The following DYNC1H1 variants were observed in gnomAD, a reference collection of about 807,000 sequenced individuals.
DYNC1H1 encodes the protein dynein cytoplasmic 1 heavy chain 1.
A neutral mutation model predicts 527.1 loss-of-function variants in DYNC1H1; 51 were observed. The ratio of observed to expected loss-of-function variants is 0.10; its 90% CI spans 0.08 to 0.12. The LOEUF is 0.12. Among genes scored for constraint, DYNC1H1 ranks in the 10% least tolerant of loss-of-function variants. The pLI is 1.00. For synonymous variants in DYNC1H1, 2,189 were observed against 2,278.8 expected (o/e 0.96, Z 1.12); for missense variants, 2,771 against 5,971.8 (o/e 0.46, Z 17.66).
Position 101,986,660 on chromosome 14 carries a change from T to G in DYNC1H1, c.2435T>G (p.Val812Gly). 1 of 1,613,830 alleles carries G rather than the reference T, an allele frequency of 6.2e-7. No homozygotes were observed. Among genetic ancestry groups the G allele is most frequent in the Non-Finnish European group, 8.5e-7 (1 of 1,179,768 alleles). The part of the protein sequence containing the change: ...SLLVAGLKKE[V>G]QALIAEGIAL... ...TTGGTGGCTGGCTTGAAAAAGGAAGTGCAGGCCCTGATCGCAGAAGGCATT... is the reference window on the plus strand; with the variant it reads ...TTGGTGGCTGGCTTGAAAAAGGAAGGGCAGGCCCTGATCGCAGAAGGCATT... The change falls in exon 8 of 78, where the codon GTG (valine) becomes GGG (glycine). Residue 812 changes from valine (V) to glycine (G), a missense_variant. Physicochemically the swap from Val to Gly is moderately radical, Grantham distance 109 (BLOSUM62 -3). This residue lies in a region of DYNC1H1 where 24 missense variants were observed against 19.0 expected (regional missense o/e 1.26). Transcript: ENST00000360184. This position sits in a 1 kb window ranked among gnomAD's most constrained non-coding sequence, Gnocchi z 8.7.
Position 102,000,820 on chromosome 14 carries a change from C to T in DYNC1H1, c.4075-134C>T, listed in dbSNP as rs146171390. ...AACTCCCGACCTCAAGTGATCTGCT[C>T]GCCCGGCCTCCCAAAGTGCTGGGAT... On this transcript the variant is annotated intron_variant, in intron 18 of 77. Transcript: ENST00000360184. 162 of 782,056 alleles carry T rather than the reference C, an allele frequency of 2.1e-4. No homozygotes were observed. In the African/African-American group the frequency reaches 2.2e-3, roughly 11 times the overall value. 48.4% of individuals were successfully genotyped at this position (782,056 alleles called of 1,614,324 possible).
Position 102,040,589 on chromosome 14 carries a change from T to C in DYNC1H1, c.11866-9T>C, listed in dbSNP as rs1251850210. 6.2e-7 allele frequency: 1 copy of C among 1,614,222 alleles called. No homozygotes were observed. The stretch of plus-strand genomic sequence containing the variant: ...TGCTCCATGGGTGCTTCCACTATTG[T>C]CTCCACAGCAATTTGGCATCTGGCT... On this transcript the variant is annotated splice_polypyrimidine_tract_variant and intron_variant, in intron 63 of 77. Coordinates refer to ENST00000360184, the MANE Select transcript of DYNC1H1 (RefSeq NM_001376.5).
rs763349735 is a variant in DYNC1H1, at chr14:102,044,241, C to T, written c.12685-33C>T. On this transcript the variant is annotated intron_variant, in intron 70 of 77. Transcript: ENST00000360184. This position sits in a 1 kb window ranked among gnomAD's most constrained non-coding sequence, Gnocchi z 7.1. The stretch of plus-strand genomic sequence containing the variant: ...AAGCCCCGGGCCTGCCCGCCTCTGA[C>T]CACACACACGAACCCTGCTTTTCCT... 1.2e-6 allele frequency: 2 copies of T among 1,612,558 alleles called. No homozygotes were observed. The highest frequency in any genetic ancestry group is 2.7e-5 in the African/African-American group (2 of 74,928).
chr14:101,969,837 A>G (rs1284457070), intron 1 of DYNC1H1, among the ~76,000 whole-genome samples: 2 of 152,192 alleles, frequency 1.3e-5, no homozygotes, highest in South Asian at 2.1e-4. Flanking sequence ...AAAACTAAAC[A>G]TGGATGAAAA....
rs2048182445 is a variant in DYNC1H1, at chr14:102,005,127, C to T, written c.5324C>T (p.Ala1775Val). 6 of 1,614,026 alleles carry T rather than the reference C, an allele frequency of 3.7e-6. No homozygotes were observed. The South Asian group carries it at 6.6e-5, about 18-fold the overall frequency. ...AGCAGCATGGGCGGAGGTGGAGATGCCGCGCCCTTGCACTCTGTGCTGAGC... is the reference window on the plus strand; with the variant it reads ...AGCAGCATGGGCGGAGGTGGAGATGTCGCGCCCTTGCACTCTGTGCTGAGC... ...ALSSMGGGGDAAPLHSVLSNV... is the reference protein window; with the variant it reads ...ALSSMGGGGDVAPLHSVLSNV... The change falls in exon 26 of 78, where the codon GCC becomes GTC. Residue 1775 changes from alanine to valine, a missense_variant. Coordinates refer to ENST00000360184, the MANE Select transcript of DYNC1H1 (RefSeq NM_001376.5). This position sits in a 1 kb window ranked among gnomAD's most constrained non-coding sequence, Gnocchi z 4.0.
rs564169078 is a variant in DYNC1H1 at position 102,053,262 on chromosome 14, T to C, written c.*2699T>C. On this transcript the variant is annotated 3_prime_UTR_variant, in exon 78 of 78. Coordinates refer to ENST00000360184, the MANE Select transcript of DYNC1H1 (RefSeq NM_001376.5). ...TTCAAGCGATTCTCCTGCCTCAGCCTCCTGAGTAGCTGGGACTACAGGCGC... is the reference window on the plus strand; with the variant it reads ...TTCAAGCGATTCTCCTGCCTCAGCCCCCTGAGTAGCTGGGACTACAGGCGC... 1 of 150,096 alleles carries C rather than the reference T, an allele frequency of 6.7e-6. No individual in the cohort carries two copies. The highest frequency in any genetic ancestry group is 2.4e-5 in the African/African-American group (1 of 40,836). The allele number at this position is 150,096 out of a possible 1,614,324, so 9.3% of individuals were successfully genotyped here. A position where few individuals can be genotyped will look rare whatever the true frequency, so the allele number is the denominator to read the frequency against.
Position 102,026,727 on chromosome 14 carries a change from C to G in DYNC1H1, c.8771+20C>G. ...TGACAGGTGGGCTTTTTTGTTGTTA[C>G]AGCCCCACCTCTCGCCTAAGCTGCT... On this transcript the variant is annotated intron_variant, in intron 44 of 77. Transcript: ENST00000360184. The G allele has an allele frequency of 6.2e-7, 1 of 1,612,706 alleles. No individual in the cohort carries two copies. The highest frequency in any genetic ancestry group is 8.5e-7 in the Non-Finnish European group (1 of 1,179,426).
Position 102,015,873 on chromosome 14 carries a change from T to G in DYNC1H1, c.7260T>G (p.Ala2420=), listed in dbSNP as rs746813248. 1 of 1,614,234 alleles carries G rather than the reference T, an allele frequency of 6.2e-7. No individual in the cohort carries two copies. The highest frequency in any genetic ancestry group is 8.5e-7 in the Non-Finnish European group (1 of 1,180,046). Residue 2420 remains alanine (A), a synonymous_variant, in exon 36 of 78, where the codon GCT becomes GCG. Coordinates refer to ENST00000360184, the MANE Select transcript of DYNC1H1 (RefSeq NM_001376.5). This position sits in a 1 kb window ranked among gnomAD's most constrained non-coding sequence, Gnocchi z 6.9. ...SPMLQIQRDA[A]TIMQPYFTSN... is the part of the protein sequence containing the mutation. The stretch of plus-strand genomic sequence containing the variant: ...CTTTCTAGATCCAAAGAGATGCAGC[T>G]ACGATCATGCAACCGTACTTCACGT...
Position 102,004,887 on chromosome 14 carries a change from G to A in DYNC1H1, c.5175G>A (p.Glu1725=), listed in dbSNP as rs1369884337. ...TTGCTGAGTCTGTTACGGAAGTTGA[G>A]ATTTTTGGTAAAGCAACTTCAATTG... is the stretch of plus-strand genomic sequence containing the variant. ...KLLAESVTEV[E]IFGKATSIDP... is the part of the protein sequence containing the mutation. Residue 1725 remains glutamate (E), a synonymous_variant, in exon 25 of 78, where the codon GAG becomes GAA. Coordinates refer to ENST00000360184, the MANE Select transcript of DYNC1H1 (RefSeq NM_001376.5). 1.2e-6 allele frequency: 2 copies of A among 1,614,206 alleles called. No individual in the cohort carries two copies. Among genetic ancestry groups the A allele is most frequent in the Non-Finnish European group, 1.7e-6 (2 of 1,180,046 alleles).
At chr14:102,004,181 TTGCAG>T (rs942962088) in intron 23 of DYNC1H1, among the ~76,000 whole-genome samples, 6 of 152,084 alleles carry the variant, frequency 3.9e-5, no homozygotes, top group Admixed American at 3.9e-4. Context: ...GAGGCGGAGC[TTGCAG>T]TGAGCCGAGA....
chr14:102,034,097 C>T lies in DYNC1H1; in HGVS notation c.10535C>T (p.Ala3512Val), dbSNP rs1239283124. 1.2e-6 allele frequency: 2 copies of T among 1,614,034 alleles called. No homozygotes were observed. The highest frequency in any genetic ancestry group is 1.7e-6 in the Non-Finnish European group (2 of 1,180,052). Residue 3512 changes from alanine to valine, a missense_variant, in exon 55 of 78, where the codon GCG (alanine) becomes GTG (valine). Transcript: ENST00000360184. ...TIAGDCLLSA[A>V]FIAYAGYFDQ... ...GCTGGGGACTGTCTCTTGTCAGCTG[C>T]GTTCATTGCCTACGCGGGTTACTTT...
At chr14:102,000,550 T>A in intron 18 of DYNC1H1, 151 bp downstream of exon 18, 1 of 759,114 alleles carries the variant, frequency 1.3e-6, no homozygotes. Flanking sequence ...TCGTCCAAAA[T>A]ACTGTAAAAC....
Position 102,039,852 on chromosome 14 carries a change from T to A in DYNC1H1, c.11690+120T>A. On this transcript the variant is annotated intron_variant, in intron 62 of 77. Transcript: ENST00000360184. The surrounding 1 kb of genome is among the most constrained non-coding windows in gnomAD (Gnocchi z 7.0). Reference sequence around the variant, plus strand: ...TCTCTTTTATTTTCTTTATTTTATTTTTTGAGACGGAGTCTCCCTTTGTTG... The same window carrying A: ...TCTCTTTTATTTTCTTTATTTTATTATTTGAGACGGAGTCTCCCTTTGTTG... The A allele has an allele frequency of 7.7e-7, 1 of 1,307,154 alleles. No individual in the cohort carries two copies. 81.0% of individuals were successfully genotyped at this position (1,307,154 alleles called of 1,614,324 possible).
At position 102,004,702 on chromosome 14, in the gene DYNC1H1, C is replaced by T. The variant is rs779640260; in HGVS notation, c.5049+19C>T. On this transcript the variant is annotated intron_variant, in intron 24 of 77. Coordinates refer to ENST00000360184, the MANE Select transcript of DYNC1H1 (RefSeq NM_001376.5). The stretch of plus-strand genomic sequence containing the variant: ...AGAGGAGGTAAATTTATGTTCGTAA[C>T]TTTTAAAACTTCTCTCACATTTTTG... 13 of 1,613,996 alleles carry T rather than the reference C, an allele frequency of 8.1e-6. No homozygotes were observed. Among genetic ancestry groups the T allele is most frequent in the Non-Finnish European group, 1.1e-5 (13 of 1,180,024 alleles).
At chr14:101,974,929 T>G (rs1490167623) in intron 1 of DYNC1H1, among the ~76,000 whole-genome samples, 1 of 152,214 alleles carries the variant, frequency 6.6e-6, no homozygotes, top group Non-Finnish European at 1.5e-5. Flanking sequence ...GGGAGGAAGA[T>G]ACATTCATAA....
Position 102,038,720 on chromosome 14 carries a change from G to C in DYNC1H1, c.11078G>C (p.Cys3693Ser). 6.2e-7 allele frequency: 1 copy of C among 1,614,192 alleles called. No individual in the cohort carries two copies. Among genetic ancestry groups the C allele is most frequent in the Non-Finnish European group, 8.5e-7 (1 of 1,180,024 alleles). Residue 3693 changes from cysteine (C) to serine (S), a missense_variant, in exon 59 of 78, where the codon TGT becomes TCT. Cys to Ser is a moderately radical substitution (Grantham distance 112). Coordinates refer to ENST00000360184, the MANE Select transcript of DYNC1H1 (RefSeq NM_001376.5). The surrounding 1 kb of genome is among the most constrained non-coding windows in gnomAD (Gnocchi z 7.2). ...CAGGTCGAGTTCCCACCAGATCTCT[G>C]TTCCCGGGTTACTTTTGTAAACTTC... ...DPTVEFPPDL[C>S]SRVTFVNFTV...
intron 48 of DYNC1H1, 30 bp downstream of exon 48, chr14:102,028,171 A>G (rs752843558): frequency 6.2e-7 from 1 of 1,610,576 alleles, no homozygotes; most frequent in Non-Finnish European, 8.5e-7. Context: ...CAACAGATAA[A>G]CCACAAAACT....
chr14:102,032,580 A>C, intron 52 of DYNC1H1, 113 bp downstream of exon 52: 1 of 1,359,286 alleles, frequency 7.4e-7, no homozygotes, highest in Non-Finnish European at 1.0e-6. Context: ...GGCCAGGCAC[A>C]GTGGCTCACG....
At chr14:101,969,113 G>A (rs2047700159) in intron 1 of DYNC1H1, among the ~76,000 whole-genome samples, 1 of 151,826 alleles carries the variant, frequency 6.6e-6, no homozygotes, top group Admixed American at 6.6e-5. Context: ...CGCCTCCCGG[G>A]TTCACGCCAT....
Sources: gnomAD v4.1 joint callset for allele counts (sites outside exome capture counted in the v4.1 genomes callset) on GRCh38, gnomAD v4.1.1 for gene constraint, gnomAD v4.1.1 regional missense constraint, Gnocchi (gnomAD v3.1) non-coding constraint, MANE v1.5 for transcripts, NCBI Gene and HGNC (gene_info 2026-07-23, HGNC 2026-07-21) for gene names.